The following MUSK variants were observed in gnomAD, a reference collection of about 807,000 sequenced individuals.
MUSK encodes the protein muscle associated receptor tyrosine kinase.
In MUSK, 55 loss-of-function variants were observed where a neutral mutation model predicts 88.7. The ratio of observed to expected loss-of-function variants is 0.62; its 90% confidence interval spans 0.50 to 0.78. The LOEUF is 0.78. Ranked by LOEUF, MUSK falls within the 30% of genes least tolerant of loss-of-function variation. The pLI, the probability that MUSK is intolerant of heterozygous loss-of-function variation, is 0.00. For missense variants in MUSK, 1,015 were observed against 1,074.3 expected (o/e 0.94, Z 0.77); for synonymous variants, 387 against 391.9 (o/e 0.99, Z 0.15).
At chr9:110,690,485 T>TAC (rs1338519281) in intron 3 of MUSK, among the ~76,000 whole-genome samples, 2 of 70,504 alleles carry the variant, frequency 2.8e-5, no homozygotes, top group African/African-American at 5.5e-5. Context: ...TATATAAATA[T>TAC]ATATTTAAAT....
intron 6 of MUSK, among the ~76,000 whole-genome samples, chr9:110,737,360 C>A (rs2077043152): frequency 1.3e-5 from 2 of 151,660 alleles, no homozygotes; most frequent in Admixed American, 1.3e-4. Context: ...ATCAATAAAA[C>A]ACTTCATCAT....
intron 5 of MUSK, among the ~76,000 whole-genome samples, chr9:110,708,453 C>T (rs1395667958): frequency 6.6e-6 from 1 of 151,960 alleles, no homozygotes; most frequent in Admixed American, 6.6e-5. Context: ...TGTTTGATGC[C>T]ACTAACAGGT....
intron 7 of MUSK, among the ~76,000 whole-genome samples, chr9:110,753,579 G>A (rs2077275507): frequency 6.6e-6 from 1 of 152,100 alleles, no homozygotes; most frequent in African/African-American, 2.4e-5. Context: ...TCCAGTCTCA[G>A]AGTACAGGGA....
intron 8 of MUSK, among the ~76,000 whole-genome samples, chr9:110,764,962 T>C (rs1485812621): frequency 6.6e-6 from 1 of 152,150 alleles, no homozygotes; most frequent in Non-Finnish European, 1.5e-5. Flanking sequence ...CTAATGAGGA[T>C]TCAATACTAG....
At position 110,697,798 on chromosome 9, in the gene MUSK, A is replaced by C. The variant is rs537450738; in HGVS notation, c.628+332A>C. On this transcript the variant is annotated intron_variant, in intron 5 of 14. Coordinates refer to ENST00000374448, the MANE Select transcript of MUSK (RefSeq NM_005592.4). ...TTTGGACAATTCTTCCCTCATTTAA[A>C]GACTTGGGCATAATAATTTTAATCT... 2.0e-5 allele frequency among the ~76,000 whole-genome samples: 3 copies of C among 152,256 alleles called. No homozygotes were observed. In the South Asian group the frequency reaches 6.2e-4, roughly 32 times the overall value.
chr9:110,677,082 G>A (rs888422838), intron 1 of MUSK, among the ~76,000 whole-genome samples: 15 of 152,024 alleles, frequency 9.9e-5, no homozygotes, highest in African/African-American at 3.6e-4. Context: ...ACATAAATCT[G>A]CTTTCTCAGG....
chr9:110,751,099 T>C (rs1056232922), intron 7 of MUSK, among the ~76,000 whole-genome samples: 1 of 152,144 alleles, frequency 6.6e-6, no homozygotes, highest in Non-Finnish European at 1.5e-5. Context: ...AAAATGGGTA[T>C]ATCTACTCCA....
At chr9:110,765,291 ACAT>A (rs2077463559) in intron 8 of MUSK, among the ~76,000 whole-genome samples, 1 of 152,186 alleles carries the variant, frequency 6.6e-6, no homozygotes. Flanking sequence ...AAAGAGTCAC[ACAT>A]GCTCTTATTC....
At chr9:110,789,775 T>A (rs2077940462) in intron 14 of MUSK, among the ~76,000 whole-genome samples, 1 of 151,476 alleles carries the variant, frequency 6.6e-6, no homozygotes, top group Non-Finnish European at 1.5e-5. Context: ...TGAGACTCCA[T>A]CTGGGAAAAA....
chr9:110,690,008 T>TATATTAA (rs1564218854), intron 3 of MUSK, among the ~76,000 whole-genome samples: 1 of 85,994 alleles, frequency 1.2e-5, no homozygotes, highest in Non-Finnish European at 2.0e-5. Flanking sequence ...TTATATATTA[T>TATATTAA]AAATATATAA....
At chr9:110,689,060 A>G (rs1004715139) in intron 3 of MUSK, among the ~76,000 whole-genome samples, 1 of 140,340 alleles carries the variant, frequency 7.1e-6, no homozygotes, top group Non-Finnish European at 1.5e-5. Context: ...ATATAAATAT[A>G]TAGCTATAGT....
At chr9:110,701,433 C>T (rs1030583935) in intron 5 of MUSK, among the ~76,000 whole-genome samples, 2 of 152,036 alleles carry the variant, frequency 1.3e-5, no homozygotes, top group African/African-American at 2.4e-5. Context: ...TCTTTAGGTA[C>T]CAAATACACC....
intron 5 of MUSK, chr9:110,728,722 T>A (rs1207091506): frequency 3.8e-6 from 6 of 1,573,864 alleles, no homozygotes; most frequent in South Asian, 3.5e-5. Flanking sequence ...CTAAAGGTAT[T>A]TTTTTTTCTT....
chr9:110,740,491 A>G (rs1485526397), intron 6 of MUSK, among the ~76,000 whole-genome samples: 1 of 152,172 alleles, frequency 6.6e-6, no homozygotes, highest in Non-Finnish European at 1.5e-5. Flanking sequence ...TCTCATTCCA[A>G]AATAGTTTTT....
chr9:110,689,615 G>GTA (rs1214455402), intron 3 of MUSK, among the ~76,000 whole-genome samples: 6 of 53,054 alleles, frequency 1.1e-4, no homozygotes, highest in Non-Finnish European at 1.8e-4. Flanking sequence ...ATATATTTTA[G>GTA]TATATATATT....
At position 110,800,457 on chromosome 9, in the gene MUSK, G is replaced by T. The variant is rs145721220; in HGVS notation, c.2079G>T (p.Gly693=). The T allele has an allele frequency of 4.3e-6, 7 of 1,613,846 alleles. No individual in the cohort carries two copies. In the East Asian group the frequency reaches 1.3e-4, roughly 31 times the overall value. The change falls in exon 15 of 15, where the codon GGG becomes GGT. Residue 693 remains glycine (G), a synonymous_variant. Coordinates refer to ENST00000374448, the MANE Select transcript of MUSK (RefSeq NM_005592.4). ...TGAGGGCTCAGGTCTCCAGCCCTGGGCCCCCACCCCTCTCCTGTGCTGAGC... is the reference window on the plus strand; with the variant it reads ...TGAGGGCTCAGGTCTCCAGCCCTGGTCCCCCACCCCTCTCCTGTGCTGAGC... The part of the protein sequence containing the change: ...LSMRAQVSSP[G]PPPLSCAEQL...
At chr9:110,678,673 G>T (rs911188305) in intron 1 of MUSK, among the ~76,000 whole-genome samples, 4 of 151,768 alleles carry the variant, frequency 2.6e-5, no homozygotes, top group African/African-American at 9.7e-5. Context: ...ATTCATTACT[G>T]TTTAGCTCTG....
intron 3 of MUSK, among the ~76,000 whole-genome samples, chr9:110,689,937 A>AT (rs1349376929): frequency 0.021 from 1,969 of 92,044 alleles, 31 homozygotes; most frequent in East Asian, 0.068. Context: ...ATAATATATA[A>AT]ATATATATTT....
intron 5 of MUSK, among the ~76,000 whole-genome samples, chr9:110,720,176 C>T (rs2076792748): frequency 6.6e-6 from 1 of 151,788 alleles, no homozygotes; most frequent in African/African-American, 2.4e-5. Flanking sequence ...CTCCAATTCT[C>T]CATGCAATTG....
Sources: gnomAD v4.1 joint callset for allele counts (sites outside exome capture counted in the v4.1 genomes callset) on GRCh38, gnomAD v4.1.1 for gene constraint, MANE v1.5 for transcripts, NCBI Gene and HGNC (gene_info 2026-07-23, HGNC 2026-07-21) for gene names.